Variants in NALF1 observed in about 807,000 individuals in gnomAD.
The protein encoded by NALF1 is NALCN channel auxiliary factor 1, also known as family with sequence similarity 155 member A.
NALF1 carries 3 observed loss-of-function variants against 48.4 expected under a neutral mutation model. The ratio of observed to expected loss-of-function variants is 0.06; its 90% CI spans 0.03 to 0.16. The LOEUF (loss-of-function observed/expected upper bound fraction) is 0.16. NALF1 is among the 10% of genes least tolerant of loss of function. NALF1 has a pLI of 1.00. For missense variants in NALF1, 526 were observed against 571.5 expected (o/e 0.92, Z 0.81); for synonymous variants, 262 against 245.7 (o/e 1.07, Z -0.62).
intron 1 of NALF1, among the ~76,000 whole-genome samples, chr13:107,404,029 A>C (rs967763648): frequency 1.3e-5 from 2 of 152,288 alleles, no homozygotes; most frequent in African/African-American, 4.8e-5. Flanking sequence ...ACACTTAAAA[A>C]TAAAGATTTA....
chr13:107,719,980 A>G (rs1328422573), intron 1 of NALF1, among the ~76,000 whole-genome samples: 1 of 151,968 alleles, frequency 6.6e-6, no homozygotes, highest in African/African-American at 2.4e-5. Context: ...CTTTGCTTGG[A>G]ATGCCCTCCC....
intron 1 of NALF1, among the ~76,000 whole-genome samples, chr13:107,517,363 G>A (rs867543242): frequency 2.6e-5 from 4 of 152,152 alleles, no homozygotes; most frequent in African/African-American, 9.7e-5. Context: ...AGGCACAGTG[G>A]CTCATGCCTA....
intron 1 of NALF1, among the ~76,000 whole-genome samples, chr13:107,536,023 T>C (rs1370289430): frequency 1.3e-5 from 2 of 152,182 alleles, no homozygotes; most frequent in Non-Finnish European, 2.9e-5. Flanking sequence ...TGGCTAGCCA[T>C]ATGTAGAAAG....
chr13:107,807,453 G>A (rs1594281439), intron 1 of NALF1, among the ~76,000 whole-genome samples: 1 of 152,162 alleles, frequency 6.6e-6, no homozygotes, highest in Admixed American at 6.6e-5. Flanking sequence ...CAATGCTGAT[G>A]AGCATTAGTT....
intron 1 of NALF1, among the ~76,000 whole-genome samples, chr13:107,694,679 C>A (rs1881657654): frequency 1.3e-5 from 2 of 152,066 alleles, no homozygotes; most frequent in Non-Finnish European, 1.5e-5. Flanking sequence ...TCAAAATAGT[C>A]CTGATTTCTT....
intron 1 of NALF1, among the ~76,000 whole-genome samples, chr13:107,289,296 T>G (rs1835807120): frequency 2.0e-5 from 3 of 152,202 alleles, no homozygotes; most frequent in Admixed American, 2.0e-4. Flanking sequence ...ACATGCCTTG[T>G]CTATTTACCC....
chr13:107,863,371 T>A (rs1880629046), intron 1 of NALF1, among the ~76,000 whole-genome samples: 1 of 152,148 alleles, frequency 6.6e-6, no homozygotes, highest in African/African-American at 2.4e-5. Context: ...TTCTACTCCC[T>A]TTCTACATAT....
At chr13:107,423,410 G>A (rs1291159592) in intron 1 of NALF1, among the ~76,000 whole-genome samples, 2 of 152,102 alleles carry the variant, frequency 1.3e-5, no homozygotes, top group South Asian at 2.1e-4. Flanking sequence ...AGCTTTCGTC[G>A]GTGGAGATGT....
intron 1 of NALF1, among the ~76,000 whole-genome samples, chr13:107,468,408 A>G (rs1308779891): frequency 6.6e-6 from 1 of 152,186 alleles, no homozygotes. Flanking sequence ...AGCAACACTC[A>G]CCTGTGTACA....
intron 1 of NALF1, among the ~76,000 whole-genome samples, chr13:107,453,177 A>G (rs1884770837): frequency 6.6e-6 from 1 of 152,110 alleles, no homozygotes; most frequent in Non-Finnish European, 1.5e-5. Flanking sequence ...CCCTCTTTTC[A>G]CAGTTCTACT....
intron 1 of NALF1, among the ~76,000 whole-genome samples, chr13:107,614,537 A>C (rs1879325962): frequency 6.6e-6 from 1 of 152,218 alleles, no homozygotes; most frequent in Non-Finnish European, 1.5e-5. Flanking sequence ...AGATTTGATA[A>C]GCTAATGTTT....
At chr13:107,636,306 G>A (rs979583119) in intron 1 of NALF1, among the ~76,000 whole-genome samples, 4 of 152,072 alleles carry the variant, frequency 2.6e-5, no homozygotes, top group Non-Finnish European at 5.9e-5. Context: ...AAATATAGCT[G>A]AGTTTGCTCG....
intron 1 of NALF1, among the ~76,000 whole-genome samples, chr13:107,312,993 C>T (rs189866399): frequency 1.2e-3 from 182 of 152,250 alleles, no homozygotes; most frequent in Non-Finnish European, 1.8e-3. Context: ...AAACTGTCAA[C>T]ATGACATAAA....
intron 1 of NALF1, among the ~76,000 whole-genome samples, chr13:107,367,960 T>C (rs1426542691): frequency 6.6e-6 from 1 of 152,190 alleles, no homozygotes; most frequent in African/African-American, 2.4e-5. Flanking sequence ...CTGAGCATTG[T>C]GGTTCTTTAT....
At chr13:107,557,767 T>A (rs1034380506) in intron 1 of NALF1, among the ~76,000 whole-genome samples, 2 of 152,102 alleles carry the variant, frequency 1.3e-5, no homozygotes, top group African/African-American at 4.8e-5. Context: ...ATATGCATTC[T>A]CCATGCCACA....
chr13:107,333,216 T>C (rs563816531), intron 1 of NALF1, among the ~76,000 whole-genome samples: 6 of 152,270 alleles, frequency 3.9e-5, no homozygotes, highest in South Asian at 2.1e-4. Context: ...TTCATGAACA[T>C]TGAACTCATG....
chr13:107,305,381 C>T (rs1202140010), intron 1 of NALF1, among the ~76,000 whole-genome samples: 7 of 152,154 alleles, frequency 4.6e-5, no homozygotes, highest in Admixed American at 6.5e-5. Flanking sequence ...TGATTGCTTA[C>T]GCAATAATGG....
At chr13:107,809,611 T>C (rs1878924167) in intron 1 of NALF1, among the ~76,000 whole-genome samples, 1 of 152,174 alleles carries the variant, frequency 6.6e-6, no homozygotes, top group Non-Finnish European at 1.5e-5. Context: ...AGTTGTTGGC[T>C]GGTGGTCTTT....
chr13:107,587,978 A>G (rs1878505198), intron 1 of NALF1, among the ~76,000 whole-genome samples: 1 of 152,122 alleles, frequency 6.6e-6, no homozygotes, highest in African/African-American at 2.4e-5. Context: ...AGAATGAACG[A>G]CTGGCCAGCT....
Sources: gnomAD v4.1 joint callset for allele counts (sites outside exome capture counted in the v4.1 genomes callset) on GRCh38, gnomAD v4.1.1 for gene constraint, MANE v1.5 for transcripts, NCBI Gene and HGNC (gene_info 2026-07-23, HGNC 2026-07-21) for gene names.